Variants in GPX1 observed in about 807,000 individuals in gnomAD.
GPX1 encodes the protein GSHPx-1.
GPX1 carries 8 observed loss-of-function variants against 11.5 expected under a neutral mutation model. The observed-to-expected ratio is 0.70, with a 90% CI of 0.41 to 1.25. The LOEUF (loss-of-function observed/expected upper bound fraction) is 1.25, where lower values mean the gene tolerates loss of function less well. Ranked by LOEUF, GPX1 falls within the 50% of genes most tolerant of loss-of-function variation. The pLI, the probability that GPX1 is intolerant of heterozygous loss-of-function variation, is 0.01. For missense variants in GPX1, 266 were observed against 284.3 expected, an observed-to-expected ratio of 0.94 and a Z score of 0.46; for synonymous variants, 142 against 127.8, an observed-to-expected ratio of 1.11 and a Z score of -0.75.
At position 49,358,062 on chromosome 3, in the gene GPX1, C is replaced by T; in HGVS notation, c.217G>A (p.Val73Met). 1 of 1,611,056 alleles carries T rather than the reference C, an allele frequency of 6.2e-7. No individual in the cohort carries two copies. Among genetic ancestry groups the T allele is most frequent in the Middle Eastern group, 1.9e-4 (1 of 5,284 alleles). ...QRRLGPRGLV[V>M]LGFPCNQFGH... is the part of the protein sequence containing the mutation. ...AACTGGTTGCACGGGAAGCCGAGCA[C>T]CACCAGGCCCCGGGGTCCGAGGCGC... is the stretch of plus-strand genomic sequence containing the variant. Residue 73 changes from valine (V) to methionine (M), a missense_variant, in exon 1 of 2, where the codon GTG (valine) becomes ATG (methionine). By Grantham distance (21) the Val-to-Met change is conservative. Transcript: ENST00000419783.
intron 1 of GPX1, 81 bp from the exon 2 acceptor site, chr3:49,357,828 A>G: frequency 3.9e-6 from 6 of 1,533,418 alleles, no homozygotes; most frequent in South Asian, 3.8e-5. Context: ...GAGATTTTCT[A>G]TGAGTCACCG....
chr3:49,357,476 G>C lies in GPX1; in HGVS notation c.524C>G (p.Pro175Arg). Residue 175 changes from proline (P) to arginine (R), a missense_variant, in exon 2 of 2, where the codon CCC becomes CGC. Coordinates refer to ENST00000419783, the MANE Select transcript of GPX1 (RefSeq NM_000581.4). The part of the protein sequence containing the change: ...EKFLVGPDGV[P>R]LRRYSRRFQT... ...GAAGCGGCGGCTGTACCTGCGTAGG[G>C]GCACACCGTCAGGGCCCACCAGGAA... is the stretch of plus-strand genomic sequence containing the variant. 2.5e-6 allele frequency: 4 copies of C among 1,613,450 alleles called. No individual in the cohort carries two copies. Among genetic ancestry groups the C allele is most frequent in the Non-Finnish European group, 3.4e-6 (4 of 1,179,832 alleles).
In GPX1 at chr3:49,357,629, G is replaced by A. The variant is rs1450933602; in HGVS notation, c.371C>T (p.Pro124Leu). The stretch of plus-strand genomic sequence containing the variant: ...GGCCTCCCGCAGGAAGGCGAAGAGA[G>A]GGTGCGCCCCCGCACCGTTCACCTC... ...KCEVNGAGAH[P>L]LFAFLREALP... The change falls in exon 2 of 2, where the codon CCT (proline) becomes CTT (leucine). Residue 124 changes from proline to leucine, a missense_variant. Physicochemically the swap from Pro to Leu is moderately conservative, Grantham distance 98. Transcript: ENST00000419783. 6.2e-7 allele frequency: 1 copy of A among 1,613,530 alleles called. No homozygotes were observed.
intron 1 of GPX1, 56 bp downstream of exon 1, chr3:49,357,971 G>T (rs763160610): frequency 6.8e-7 from 1 of 1,466,312 alleles, no homozygotes; most frequent in Admixed American, 2.1e-5. Context: ...CACCGCCGGC[G>T]CCCCCAGCCA....
rs1393915157 is a variant in GPX1 at position 49,358,258 on chromosome 3, CGCT to C, written c.18_20del (p.Ala13del). ...CCGACTGGGCCGCCGCCGCCGCCGCCGCTAGCCGAGCAGCACACATGGCGCAAT... is the reference window on the plus strand; with the variant it reads ...CCGACTGGGCCGCCGCCGCCGCCGCCAGCCGAGCAGCACACATGGCGCAAT... On this transcript the variant is annotated inframe_deletion, in exon 1 of 2. Coordinates refer to ENST00000419783, the MANE Select transcript of GPX1 (RefSeq NM_000581.4). 6 of 1,537,450 alleles carry C rather than the reference CGCT, an allele frequency of 3.9e-6. No individual in the cohort carries two copies. Among genetic ancestry groups the C allele is most frequent in the African/African-American group, 1.4e-5 (1 of 71,404 alleles).
chr3:49,357,469 G>A lies in GPX1; in HGVS notation c.531C>T (p.Arg177=). 1 of 1,613,278 alleles carries A rather than the reference G, an allele frequency of 6.2e-7. No homozygotes were observed. Among genetic ancestry groups the A allele is most frequent in the Middle Eastern group, 1.7e-4 (1 of 6,012 alleles). Residue 177 remains arginine (R), a synonymous_variant, in exon 2 of 2, where the codon CGC becomes CGT. Transcript: ENST00000419783. ...FLVGPDGVPL[R]RYSRRFQTID... Reference sequence around the variant, plus strand: ...TGGTCTGGAAGCGGCGGCTGTACCTGCGTAGGGGCACACCGTCAGGGCCCA... The same window carrying A: ...TGGTCTGGAAGCGGCGGCTGTACCTACGTAGGGGCACACCGTCAGGGCCCA...
intron 1 of GPX1, 114 bp downstream of exon 1, chr3:49,357,913 G>A: frequency 6.7e-7 from 1 of 1,500,966 alleles, no homozygotes; most frequent in Non-Finnish European, 8.9e-7. Flanking sequence ...AAGGAAACGA[G>A]AGAGTAGCCA....
Position 49,357,385 on chromosome 3 carries a change from G to A in GPX1, c.*3C>T, listed in dbSNP as rs1559488586. ...GCCAAGCAGCCGGGGTAGGAGGGGCGCCCTAGGCACAGCTGGGCCCTTGAG... is the reference window on the plus strand; with the variant it reads ...GCCAAGCAGCCGGGGTAGGAGGGGCACCCTAGGCACAGCTGGGCCCTTGAG... On this transcript the variant is annotated 3_prime_UTR_variant, in exon 2 of 2. Coordinates refer to ENST00000419783, the MANE Select transcript of GPX1 (RefSeq NM_000581.4). 1.9e-6 allele frequency: 3 copies of A among 1,598,920 alleles called. No homozygotes were observed. The highest frequency in any genetic ancestry group is 2.6e-6 in the Non-Finnish European group (3 of 1,168,822).
At chr3:49,357,881 T>C in intron 1 of GPX1, 134 bp from the exon 2 acceptor site, 1 of 1,516,016 alleles carries the variant, frequency 6.6e-7, no homozygotes, top group Non-Finnish European at 8.8e-7. Flanking sequence ...GGAGAGGAAT[T>C]TCAGCAGCTA....
chr3:49,358,178 G>A lies in GPX1; in HGVS notation c.101C>T (p.Ser34Phe), dbSNP rs745888237. 5 of 1,580,854 alleles carry A rather than the reference G, an allele frequency of 3.2e-6. No homozygotes were observed. In the East Asian group the frequency reaches 9.1e-5, roughly 29 times the overall value. The stretch of plus-strand genomic sequence containing the variant: ...GATAAGTAGTACCTTGCCCCGCAGG[G>A]AGCCCAGGCTCACAGGCTCCCCGCC... ...LAGGEPVSLG[S>F]LRGKVLLIEN... is the part of the protein sequence containing the mutation. The change falls in exon 1 of 2, where the codon TCC becomes TTC. Residue 34 changes from serine to phenylalanine, a missense_variant. By Grantham distance (155) the Ser-to-Phe change is radical. Coordinates refer to ENST00000419783, the MANE Select transcript of GPX1 (RefSeq NM_000581.4).
chr3:49,357,188 C>T lies in GPX1; in HGVS notation c.*200G>A. ...GACATACACACAGTTCTGCTGACACCCGGCACTTTATTAGTGGGGAAACTC... is the reference window on the plus strand; with the variant it reads ...GACATACACACAGTTCTGCTGACACTCGGCACTTTATTAGTGGGGAAACTC... On this transcript the variant is annotated 3_prime_UTR_variant, in exon 2 of 2. Coordinates refer to ENST00000419783, the MANE Select transcript of GPX1 (RefSeq NM_000581.4). The T allele has an allele frequency of 1.7e-6, 1 of 587,370 alleles. No homozygotes were observed. 36.4% of individuals were successfully genotyped at this position (587,370 alleles called of 1,614,324 possible). A position where few individuals can be genotyped will look rare whatever the true frequency, so the allele number is the denominator to read the frequency against.
Position 49,357,622 on chromosome 3 carries a change from G to A in GPX1, c.378C>T (p.Phe126=), listed in dbSNP as rs1050869616. 10 of 1,613,360 alleles carry A rather than the reference G, an allele frequency of 6.2e-6. No individual in the cohort carries two copies. Among genetic ancestry groups the A allele is most frequent in the South Asian group, 1.1e-5 (1 of 91,062 alleles). ...EVNGAGAHPL[F]AFLREALPAP... Reference sequence around the variant, plus strand: ...CTGGCAGGGCCTCCCGCAGGAAGGCGAAGAGAGGGTGCGCCCCCGCACCGT... The same window carrying A: ...CTGGCAGGGCCTCCCGCAGGAAGGCAAAGAGAGGGTGCGCCCCCGCACCGT... Residue 126 remains phenylalanine (F), a synonymous_variant, in exon 2 of 2, where the codon TTC becomes TTT. Coordinates refer to ENST00000419783, the MANE Select transcript of GPX1 (RefSeq NM_000581.4).
At position 49,357,299 on chromosome 3, in the gene GPX1, G is replaced by C; in HGVS notation, c.*89C>G. On this transcript the variant is annotated 3_prime_UTR_variant, in exon 2 of 2. Coordinates refer to ENST00000419783, the MANE Select transcript of GPX1 (RefSeq NM_000581.4). The stretch of plus-strand genomic sequence containing the variant: ...CTGTAAGATCAGGTGTTCCTCCCTC[G>C]TAGGTTTAGAGGAAACACCCTCATA... 7.9e-7 allele frequency: 1 copy of C among 1,260,014 alleles called. No individual in the cohort carries two copies. Among genetic ancestry groups the C allele is most frequent in the South Asian group, 1.4e-5 (1 of 73,548 alleles). 78.1% of individuals were successfully genotyped at this position (1,260,014 alleles called of 1,614,324 possible).
rs1575634802 is a variant in GPX1 at position 49,358,114 on chromosome 3, G to C, written c.165C>G (p.Asp55Glu). Residue 55 changes from aspartate (D) to glutamate (E), a missense_variant, in exon 1 of 2, where the codon GAC (aspartate) becomes GAG (glutamate). By Grantham distance (45) the Asp-to-Glu change is conservative (BLOSUM62 2). Transcript: ENST00000419783. ...VASLUGTTVR[D>E]YTQMNELQRR... ...GCTGCAGCTCGTTCATCTGGGTGTA[G>C]TCCCGGACCGTGGTGCCTCAGAGGG... The C allele has an allele frequency of 1.9e-6, 3 of 1,610,658 alleles. No individual in the cohort carries two copies. The Admixed American group carries it at 5.0e-5, about 27-fold the overall frequency.
rs1575635620 is a variant in GPX1 at position 49,358,336 on chromosome 3, C to T, written c.-58G>A. On this transcript the variant is annotated 5_prime_UTR_variant, in exon 1 of 2. Coordinates refer to ENST00000419783, the MANE Select transcript of GPX1 (RefSeq NM_000581.4). Reference sequence around the variant, plus strand: ...CCGAACAAGCACTGTAAGGGGAGGCCAGCAGGCGCCTCCTTTTAACTGGCC... The same window carrying T: ...CCGAACAAGCACTGTAAGGGGAGGCTAGCAGGCGCCTCCTTTTAACTGGCC... The T allele has an allele frequency of 2.7e-6, 4 of 1,467,928 alleles. No individual in the cohort carries two copies. Among genetic ancestry groups the T allele is most frequent in the East Asian group, 2.5e-5 (1 of 40,026 alleles). 90.9% of individuals were successfully genotyped at this position (1,467,928 alleles called of 1,614,324 possible). A position where few individuals can be genotyped will look rare whatever the true frequency, so the allele number is the denominator to read the frequency against.
chr3:49,358,073 C>T lies in GPX1; in HGVS notation c.206G>A (p.Arg69Gln), dbSNP rs1559489759. 5 of 1,611,350 alleles carry T rather than the reference C, an allele frequency of 3.1e-6. No homozygotes were observed. Among genetic ancestry groups the T allele is most frequent in the African/African-American group, 1.3e-5 (1 of 74,898 alleles). Residue 69 changes from arginine to glutamine, a missense_variant, in exon 1 of 2, where the codon CGG becomes CAG. Coordinates refer to ENST00000419783, the MANE Select transcript of GPX1 (RefSeq NM_000581.4). ...MNELQRRLGP[R>Q]GLVVLGFPCN... ...CGGGAAGCCGAGCACCACCAGGCCC[C>T]GGGGTCCGAGGCGCCGCTGCAGCTC...
Position 49,358,250 on chromosome 3 carries a change from GC to G in GPX1, c.28del (p.Ala10ArgfsTer21), listed in dbSNP as rs2047887316. 2.6e-6 allele frequency: 4 copies of G among 1,540,658 alleles called. No homozygotes were observed. In the South Asian group the frequency reaches 3.6e-5, roughly 14 times the overall value. On this transcript the variant is annotated frameshift_variant, in exon 1 of 2. Transcript: ENST00000419783. LOFTEE classifies it high-confidence loss of function. ...GGCATACACCGACTGGGCCGCCGCC[GC>G]CGCCGCCGCTAGCCGAGCAGCACAC... MCAARLAAA[A>X]AAAQSVYAFS...
In GPX1 at chr3:49,357,655, G is replaced by A. The variant is rs202221943; in HGVS notation, c.345C>T (p.Cys115=). ...GGTGCGCCCCCGCACCGTTCACCTC[G>A]CACTTCTCGAAGAGCATGAAGTTGG... ...FEPNFMLFEK[C]EVNGAGAHPL... Residue 115 remains cysteine, a synonymous_variant, in exon 2 of 2, where the codon TGC becomes TGT. Coordinates refer to ENST00000419783, the MANE Select transcript of GPX1 (RefSeq NM_000581.4). 5 of 1,613,556 alleles carry A rather than the reference G, an allele frequency of 3.1e-6. No individual in the cohort carries two copies. The highest frequency in any genetic ancestry group is 3.4e-6 in the Non-Finnish European group (4 of 1,179,938).
chr3:49,357,957 A>T, intron 1 of GPX1, 70 bp downstream of exon 1: 1 of 1,532,954 alleles, frequency 6.5e-7, no homozygotes, highest in South Asian at 1.2e-5. Flanking sequence ...GGCACCCACC[A>T]GCACACCGCC....
Sources: allele counts gnomAD v4.1 joint callset, GRCh38; gene constraint gnomAD v4.1.1; transcripts MANE v1.5; gene names NCBI Gene and HGNC (gene_info 2026-07-23, HGNC 2026-07-21).